Variants in MYO1E observed in about 807,000 individuals in gnomAD.
MYO1E encodes myosin IE, also known as unconventional myosin-Ie.
Under a neutral mutation model 151.1 loss-of-function variants are expected in MYO1E, and 68 were observed. The observed-to-expected ratio is 0.45, with a 90% CI of 0.37 to 0.55. MYO1E has a LOEUF of 0.55. MYO1E is among the 20% of genes least tolerant of loss of function. The pLI is 0.00. For synonymous variants in MYO1E, 601 were observed against 501.7 expected (o/e 1.20, Z -2.64); for missense variants, 1,363 against 1,389.3 (o/e 0.98, Z 0.30).
intron 7 of MYO1E, among the ~76,000 whole-genome samples, chr15:59,226,817 A>C (rs2079994564): frequency 6.6e-6 from 1 of 152,220 alleles, no homozygotes. Context: ...AAATAAAAAA[A>C]TAAATAAAAT....
chr15:59,205,637 G>C (rs2079828944), intron 14 of MYO1E, 152 bp from the exon 15 acceptor site: 1 of 753,450 alleles, frequency 1.3e-6, no homozygotes, highest in South Asian at 1.5e-5. Flanking sequence ...TCCAGATGTT[G>C]CATTTGGGAT....
chr15:59,230,248 G>GTT (rs1266465690), intron 6 of MYO1E, among the ~76,000 whole-genome samples: 1 of 151,658 alleles, frequency 6.6e-6, no homozygotes, highest in Non-Finnish European at 1.5e-5. Context: ...GTGTGTGTGT[G>GTT]TGTGTGCAGG....
intron 1 of MYO1E, among the ~76,000 whole-genome samples, chr15:59,342,196 A>T (rs1380088964): frequency 2.0e-5 from 3 of 152,158 alleles, no homozygotes; most frequent in Non-Finnish European, 4.4e-5. Flanking sequence ...ATGTCTATTG[A>T]TATCTTTTGC....
At chr15:59,248,711 G>T (rs1305244595) in intron 4 of MYO1E, among the ~76,000 whole-genome samples, 4 of 152,072 alleles carry the variant, frequency 2.6e-5, no homozygotes, top group Non-Finnish European at 5.9e-5. Context: ...AAAGTAAACA[G>T]CAGAGATGGG....
intron 1 of MYO1E, among the ~76,000 whole-genome samples, chr15:59,328,184 G>T (rs1396558570): frequency 6.6e-6 from 1 of 152,224 alleles, no homozygotes; most frequent in East Asian, 1.9e-4. Flanking sequence ...CAGCAAACGG[G>T]CTTGCAAAAT....
At chr15:59,220,711 C>T (rs1272919873) in intron 9 of MYO1E, among the ~76,000 whole-genome samples, 2 of 151,770 alleles carry the variant, frequency 1.3e-5, no homozygotes, top group Admixed American at 6.6e-5. Context: ...TTCATTCAGT[C>T]TTGTAACAGC....
chr15:59,291,101 C>A (rs1170121263), intron 1 of MYO1E, among the ~76,000 whole-genome samples: 1 of 152,176 alleles, frequency 6.6e-6, no homozygotes, highest in African/African-American at 2.4e-5. Flanking sequence ...GCCAGCAAGA[C>A]CACAAGCATA....
intron 22 of MYO1E, chr15:59,171,159 CGGGAGGACTTA>C (rs1206882956): frequency 1.3e-5 from 2 of 155,888 alleles, no homozygotes; most frequent in Admixed American, 6.6e-5. Context: ...GGGAGGACTT[CGGGAGGACTTA>C]GCATGGGAGG....
chr15:59,265,792 TAAAAAAAA>T (rs59957325), intron 2 of MYO1E, among the ~76,000 whole-genome samples: 1 of 106,330 alleles, frequency 9.4e-6, no homozygotes, highest in African/African-American at 3.6e-5. Flanking sequence ...CCCATCTCCT[TAAAAAAAA>T]AAAAAAAAAA....
At chr15:59,253,640 C>T (rs568063958) in intron 4 of MYO1E, among the ~76,000 whole-genome samples, 123 of 152,132 alleles carry the variant, frequency 8.1e-4, no homozygotes, top group African/African-American at 2.4e-3. Context: ...CGCCGCCATG[C>T]CCGGCTAATT....
chr15:59,362,057 G>A (rs555148960), intron 1 of MYO1E, among the ~76,000 whole-genome samples: 9 of 151,848 alleles, frequency 5.9e-5, no homozygotes, highest in African/African-American at 1.9e-4. Context: ...GGCTGGTCTC[G>A]AACTCCTGAC....
chr15:59,174,908 G>A (rs1006253980), intron 19 of MYO1E, among the ~76,000 whole-genome samples: 14 of 152,142 alleles, frequency 9.2e-5, no homozygotes, highest in African/African-American at 2.7e-4. Context: ...GCCTCTAGCA[G>A]GTCTTGAGAG....
chr15:59,164,601 C>T (rs1451959808), intron 22 of MYO1E, among the ~76,000 whole-genome samples: 1 of 152,144 alleles, frequency 6.6e-6, no homozygotes, highest in African/African-American at 2.4e-5. Context: ...TCTTTGAGAC[C>T]CTGGATCCTT....
At chr15:59,341,190 A>C (rs1182567367) in intron 1 of MYO1E, 1 of 152,144 alleles carries the variant, frequency 6.6e-6, no homozygotes, top group African/African-American at 2.4e-5. Flanking sequence ...CACACCCTCA[A>C]GGATTTATCC....
Position 59,134,209 on chromosome 15 carries a change from A to G in MYO1E, c.*3171T>C, listed in dbSNP as rs1207995280. 6.6e-6 allele frequency: 1 copy of G among 152,364 alleles called. No individual in the cohort carries two copies. The highest frequency in any genetic ancestry group is 2.4e-5 in the African/African-American group (1 of 41,446). 9.4% of individuals were successfully genotyped at this position (152,364 alleles called of 1,614,324 possible). On this transcript the variant is annotated 3_prime_UTR_variant, in exon 28 of 28. Coordinates refer to ENST00000288235, the MANE Select transcript of MYO1E (RefSeq NM_004998.4). ...TGCTTTTCTACCTTCATTGGGCTGG[A>G]CTTGGTAGTAGTGGGGAGTCAGGTT...
At position 59,313,084 on chromosome 15, in the gene MYO1E, C is replaced by T. The variant is rs570518627; in HGVS notation, c.4-40635G>A. Reference sequence around the variant, plus strand: ...CAATCTGTGCTTTAACAAGTCCTCCCGTAGATTCTGGTGCTGGCTAAGGCT... The same window carrying T: ...CAATCTGTGCTTTAACAAGTCCTCCTGTAGATTCTGGTGCTGGCTAAGGCT... On this transcript the variant is annotated intron_variant, in intron 1 of 27. Coordinates refer to ENST00000288235, the MANE Select transcript of MYO1E (RefSeq NM_004998.4). 4.6e-4 allele frequency among the ~76,000 whole-genome samples: 70 copies of T among 152,242 alleles called. 2 individuals are homozygous for T. The South Asian group carries it at 0.014, about 31-fold the overall frequency.
rs16941108 is a variant in MYO1E, at chr15:59,177,317, C to T, written c.2049+1076G>A. On this transcript the variant is annotated intron_variant, in intron 19 of 27. Coordinates refer to ENST00000288235, the MANE Select transcript of MYO1E (RefSeq NM_004998.4). ...AATCTTGATGTCTCACAAAGCCATT[C>T]AGTTATAGCCATTATCATTCCTGAG... is the stretch of plus-strand genomic sequence containing the variant. 7.7e-3 allele frequency among the ~76,000 whole-genome samples: 1,171 copies of T among 152,248 alleles called. 16 individuals carry two copies. Among genetic ancestry groups the T allele is most frequent in the African/African-American group, 0.026 (1,084 of 41,540 alleles).
At chr15:59,274,089 T>G (rs537135438) in intron 1 of MYO1E, among the ~76,000 whole-genome samples, 1 of 152,300 alleles carries the variant, frequency 6.6e-6, no homozygotes, top group South Asian at 2.1e-4. Flanking sequence ...ACAGATCCTT[T>G]GCTAAGAGCA....
chr15:59,222,958 C>G, intron 9 of MYO1E, 101 bp downstream of exon 9: 1 of 1,544,858 alleles, frequency 6.5e-7, no homozygotes, highest in Non-Finnish European at 8.9e-7. Context: ...TCACTTCTTC[C>G]CAATATTCCC....
Sources: gnomAD v4.1 joint callset for allele counts (sites outside exome capture counted in the v4.1 genomes callset) on GRCh38, gnomAD v4.1.1 for gene constraint, MANE v1.5 for transcripts, NCBI Gene and HGNC (gene_info 2026-07-23, HGNC 2026-07-21) for gene names.